MAP4K3: variants seen among roughly 807,000 people sequenced by gnomAD.
MAP4K3 encodes MAPK/ERK kinase kinase kinase 3.
In MAP4K3, 94 loss-of-function variants were observed where a neutral mutation model predicts 143.5. The observed-to-expected ratio is 0.65, with a 90% CI of 0.55 to 0.78. The LOEUF (loss-of-function observed/expected upper bound fraction) is 0.78, where lower values mean the gene tolerates loss of function less well. MAP4K3 is among the 30% of genes least tolerant of loss of function. The pLI is 0.00. For missense variants in MAP4K3, 1,077 were observed against 1,068.1 expected (o/e 1.01, Z -0.12); for synonymous variants, 416 against 347.2 (o/e 1.20, Z -2.20).
At chr2:39,388,622 G>A (rs1357064419) in intron 1 of MAP4K3, among the ~76,000 whole-genome samples, 1 of 152,114 alleles carries the variant, frequency 6.6e-6, no homozygotes, top group African/African-American at 2.4e-5. Flanking sequence ...GGTAGGTTGG[G>A]GAAAAGGGCT....
chr2:39,356,753 T>C (rs1304990379), intron 2 of MAP4K3, among the ~76,000 whole-genome samples: 1 of 152,250 alleles, frequency 6.6e-6, no homozygotes, highest in Non-Finnish European at 1.5e-5. Flanking sequence ...TGGAGTATGC[T>C]TTATACAAGT....
chr2:39,415,981 ATATATAT>A (rs1371017862), intron 1 of MAP4K3, among the ~76,000 whole-genome samples: 9 of 13,386 alleles, frequency 6.7e-4, no homozygotes, highest in Non-Finnish European at 1.1e-3. Flanking sequence ...AAAAAAAAAA[ATATATAT>A]ATATATATAT....
At chr2:39,355,166 C>T (rs1167045969) in intron 3 of MAP4K3, among the ~76,000 whole-genome samples, 1 of 152,026 alleles carries the variant, frequency 6.6e-6, no homozygotes, top group East Asian at 1.9e-4. Context: ...AGATCAAGAC[C>T]ATCGTGGCCA....
chr2:39,436,647 A>C, intron 1 of MAP4K3: 2 of 530,510 alleles, frequency 3.8e-6, no homozygotes, highest in Non-Finnish European at 3.4e-6. Flanking sequence ...AATGCGCGCA[A>C]GAAGGGAGGT....
At chr2:39,281,691 G>A (rs940561589) in intron 22 of MAP4K3, among the ~76,000 whole-genome samples, 3 of 151,972 alleles carry the variant, frequency 2.0e-5, no homozygotes, top group African/African-American at 7.3e-5. Flanking sequence ...TTATCTTACA[G>A]TCAAGTGGGA....
At chr2:39,253,335 T>C (rs1211698081) in intron 32 of MAP4K3, among the ~76,000 whole-genome samples, 2 of 152,178 alleles carry the variant, frequency 1.3e-5, no homozygotes, top group South Asian at 2.1e-4. Context: ...GGTTTCACCA[T>C]GTTGGCCAGG....
At chr2:39,425,082 G>A (rs536642654) in intron 1 of MAP4K3, among the ~76,000 whole-genome samples, 8 of 152,096 alleles carry the variant, frequency 5.3e-5, no homozygotes, top group African/African-American at 1.9e-4. Flanking sequence ...GTTTTGGAAG[G>A]ACAGCCACAG....
intron 1 of MAP4K3, among the ~76,000 whole-genome samples, chr2:39,391,378 A>AAAG (rs1553423383): frequency 1.7e-4 from 25 of 147,012 alleles, no homozygotes; most frequent in Middle Eastern, 3.4e-3. Context: ...AAAAAAAAAA[A>AAAG]AAAGAAAGAA....
At chr2:39,397,355 A>G (rs1352732495) in intron 1 of MAP4K3, among the ~76,000 whole-genome samples, 3 of 152,188 alleles carry the variant, frequency 2.0e-5, no homozygotes, top group African/African-American at 4.8e-5. Flanking sequence ...ATTATAATAC[A>G]AACAACAGCA....
At chr2:39,310,027 A>G (rs1419189932) in intron 13 of MAP4K3, among the ~76,000 whole-genome samples, 1 of 152,190 alleles carries the variant, frequency 6.6e-6, no homozygotes, top group East Asian at 1.9e-4. Context: ...TATATGCGAT[A>G]TTTTGATACA....
intron 26 of MAP4K3, among the ~76,000 whole-genome samples, chr2:39,268,207 A>C (rs1573073683): frequency 6.6e-6 from 1 of 152,248 alleles, no homozygotes; most frequent in East Asian, 1.9e-4. Flanking sequence ...CTACAATTTA[A>C]AAACTACACA....
At chr2:39,339,715 C>T (rs1304559368) in intron 4 of MAP4K3, among the ~76,000 whole-genome samples, 1 of 152,090 alleles carries the variant, frequency 6.6e-6, no homozygotes, top group African/African-American at 2.4e-5. Context: ...AAACATGCCT[C>T]CTCTTAGAAT....
chr2:39,251,789 C>A, intron 33 of MAP4K3, 41 bp downstream of exon 33: 1 of 1,509,488 alleles, frequency 6.6e-7, no homozygotes, highest in Non-Finnish European at 9.1e-7. Flanking sequence ...ATCTATAAAA[C>A]ACGTTTAGTA....
chr2:39,434,528 C>G (rs138682857), intron 1 of MAP4K3, among the ~76,000 whole-genome samples: 6 of 148,346 alleles, frequency 4.0e-5, no homozygotes, highest in Non-Finnish European at 7.5e-5. Flanking sequence ...CCAACTACTA[C>G]TTAAAGATCT....
At chr2:39,325,445 C>T (rs529126102) in intron 12 of MAP4K3, 73 bp downstream of exon 12, 199 of 961,016 alleles carry the variant, frequency 2.1e-4, no homozygotes, top group African/African-American at 2.8e-4. Flanking sequence ...GATTTTGAGA[C>T]GTACATACAG....
chr2:39,393,997 TA>T (rs1449100111), intron 1 of MAP4K3, among the ~76,000 whole-genome samples: 1 of 152,200 alleles, frequency 6.6e-6, no homozygotes, highest in Non-Finnish European at 1.5e-5. Flanking sequence ...TCTCATGACA[TA>T]AAATTTCAAA....
intron 32 of MAP4K3, among the ~76,000 whole-genome samples, chr2:39,252,742 C>T (rs1282685583): frequency 1.3e-5 from 2 of 152,228 alleles, no homozygotes; most frequent in East Asian, 3.8e-4. Flanking sequence ...AATACCCCTA[C>T]AATTAGATTT....
chr2:39,252,450 T>C (rs1379322907), intron 32 of MAP4K3, among the ~76,000 whole-genome samples: 1 of 152,252 alleles, frequency 6.6e-6, no homozygotes, highest in Non-Finnish European at 1.5e-5. Context: ...TTAGTGGGTA[T>C]AATGCCTAGC....
At chr2:39,384,194 T>C (rs1020690397) in intron 1 of MAP4K3, among the ~76,000 whole-genome samples, 2 of 152,052 alleles carry the variant, frequency 1.3e-5, no homozygotes, top group Non-Finnish European at 2.9e-5. Context: ...AGTATTACTA[T>C]CTGACCCTTT....
Sources: allele counts gnomAD v4.1 joint callset (sites outside exome capture counted in the v4.1 genomes callset), GRCh38; gene constraint gnomAD v4.1.1; transcripts MANE v1.5; gene names NCBI Gene and HGNC (gene_info 2026-07-23, HGNC 2026-07-21).